The following MS4A6A variants were observed in gnomAD, a reference collection of about 807,000 sequenced individuals.
The protein encoded by MS4A6A is membrane spanning 4-domains A6A.
A neutral mutation model predicts 20.6 loss-of-function variants in MS4A6A; 19 were observed. The observed-to-expected ratio is 0.92, with a 90% confidence interval of 0.64 to 1.36. The LOEUF (loss-of-function observed/expected upper bound fraction) is 1.36, where lower values mean the gene tolerates loss of function less well. Among genes scored for constraint, MS4A6A ranks in the 40% most tolerant of loss-of-function variants. The probability of loss-of-function intolerance (pLI) is 0.00; values close to 1 mark genes in which losing one functional copy is unlikely to be tolerated. For synonymous variants in MS4A6A, 108 were observed against 105.0 expected, an observed-to-expected ratio of 1.03 and a Z score of -0.17; for missense variants, 272 against 261.1, an observed-to-expected ratio of 1.04 and a Z score of -0.29.
rs1856949829 is a variant in MS4A6A, at chr11:60,178,285, G to A, written c.314C>T (p.Thr105Ile). 1 of 1,613,544 alleles carries A rather than the reference G, an allele frequency of 6.2e-7. No individual in the cohort carries two copies. Among genetic ancestry groups the A allele is most frequent in the Non-Finnish European group, 8.5e-7 (1 of 1,179,564 alleles). Residue 105 changes from threonine (T) to isoleucine (I), a missense_variant, in exon 4 of 6, where the codon ACA becomes ATA. Transcript: ENST00000528851. ...FIISGSLSIA[T>I]EKRLTKLLVH... ...CAAAAGCTTGGTTAACCTTTTCTCTGTGGCGATTGATAGAGAGCCAGAGAT... is the reference window on the plus strand; with the variant it reads ...CAAAAGCTTGGTTAACCTTTTCTCTATGGCGATTGATAGAGAGCCAGAGAT...
At chr11:60,175,789 T>G (rs1467249713) in intron 4 of MS4A6A, among the ~76,000 whole-genome samples, 178 bp from the exon 5 acceptor site, 1 of 152,160 alleles carries the variant, frequency 6.6e-6, no homozygotes, top group East Asian at 1.9e-4. Context: ...CCAGGGTAAT[T>G]CTTGGCTGAA....
intron 3 of MS4A6A, among the ~76,000 whole-genome samples, chr11:60,179,116 G>A (rs1432250152): frequency 6.6e-6 from 1 of 152,040 alleles, no homozygotes; most frequent in Non-Finnish European, 1.5e-5. Flanking sequence ...ACAAAAAGGT[G>A]GACTTCTTGG....
intron 3 of MS4A6A, chr11:60,179,490 CT>C (rs796130469): frequency 0.11 from 47,360 of 431,346 alleles, no homozygotes; most frequent in South Asian, 0.14. Flanking sequence ...CATTTATGCT[CT>C]TTTTTTTTTT....
At chr11:60,181,246 T>C (rs1857118650) in intron 2 of MS4A6A, 2 of 404,118 alleles carry the variant, frequency 4.9e-6, no homozygotes, top group South Asian at 4.2e-5. Context: ...TTATTAAGCA[T>C]GCAGTTGTGG....
At position 60,175,611 on chromosome 11, in the gene MS4A6A, C is replaced by A. The variant is rs772651842; in HGVS notation, c.340G>T (p.Val114Leu). The change falls in exon 5 of 6, where the codon GTG becomes TTG. Residue 114 changes from valine (V) to leucine (L), a missense_variant and splice_region_variant. Coordinates refer to ENST00000528851, the MANE Select transcript of MS4A6A (RefSeq NM_022349.4). ...ATGCTTCCAACCAGGCTGCTATGCACCTGAAAGAGAAATGTTGGGTAAGGA... is the reference window on the plus strand; with the variant it reads ...ATGCTTCCAACCAGGCTGCTATGCAACTGAAAGAGAAATGTTGGGTAAGGA... ...ATEKRLTKLL[V>L]HSSLVGSILS... 1 of 1,612,934 alleles carries A rather than the reference C, an allele frequency of 6.2e-7. No individual in the cohort carries two copies.
intron 4 of MS4A6A, chr11:60,177,559 T>G (rs1345484465): frequency 1.4e-5 from 2 of 144,468 alleles, no homozygotes; most frequent in Non-Finnish European, 3.1e-5. Flanking sequence ...AAAGCTTTGT[T>G]TTTTGTTGTT....
chr11:60,172,489 C>T (rs186964848), downstream of MS4A6A: 133 of 1,234,232 alleles, frequency 1.1e-4, 2 homozygotes, highest in Admixed American at 4.2e-4. Flanking sequence ...GCCATAAGTC[C>T]ATAGGGGTTT....
chr11:60,180,516 C>G (rs570133892), intron 2 of MS4A6A: 1 of 156,568 alleles, frequency 6.4e-6, no homozygotes, highest in Non-Finnish European at 1.4e-5. Flanking sequence ...ATTTTAAGTT[C>G]AAGGGTACAA....
chr11:60,182,280 G>C (rs1857172354), intron 1 of MS4A6A: 1 of 152,778 alleles, frequency 6.5e-6, no homozygotes, highest in Admixed American at 6.5e-5. Context: ...ATAAGAAAAT[G>C]CAAAATAAAG....
intron 5 of MS4A6A, 137 bp downstream of exon 5, chr11:60,175,263 CTT>C: frequency 1.5e-6 from 1 of 646,112 alleles, no homozygotes. Context: ...CTGTAGTCCC[CTT>C]TGATTTACAT....
chr11:60,173,164 A>G (rs1486059809), intron 5 of MS4A6A, 35 bp from the exon 6 acceptor site: 23 of 1,594,958 alleles, frequency 1.4e-5, no homozygotes, highest in East Asian at 2.2e-5. Context: ...GATGTTGCTT[A>G]GGTCAGCTGA....
Position 60,181,819 on chromosome 11 carries a change from C to T in MS4A6A, c.-14-78G>A, listed in dbSNP as rs910080230. ...CTGACTCCAAAAACAGTAACTCAGT[C>T]TTTGCCAATTAGTCTAGGCTTGGCC... On this transcript the variant is annotated intron_variant, in intron 1 of 5. Transcript: ENST00000528851. 5.7e-6 allele frequency: 8 copies of T among 1,412,770 alleles called. No homozygotes were observed. In the East Asian group the frequency reaches 1.8e-4, roughly 32 times the overall value. The allele number at this position is 1,412,770 out of a possible 1,614,324, so 87.5% of individuals were successfully genotyped here.
intron 3 of MS4A6A, chr11:60,179,622 T>C (rs939021058): frequency 3.1e-6 from 2 of 640,908 alleles, no homozygotes; most frequent in Non-Finnish European, 5.6e-6. Context: ...TAAGATGATC[T>C]TCAAAAGAAA....
intron 5 of MS4A6A, among the ~76,000 whole-genome samples, chr11:60,173,445 G>A (rs760730142): frequency 6.6e-5 from 10 of 152,180 alleles, no homozygotes; most frequent in African/African-American, 9.7e-5. Context: ...GCAGAGTGGC[G>A]TAATAACTCC....
chr11:60,183,333 T>G (rs2083837150), upstream of MS4A6A: 4 of 658,738 alleles, frequency 6.1e-6, no homozygotes, highest in Admixed American at 1.2e-4. Flanking sequence ...TTTTCTAATC[T>G]GTTAAATAGA....
rs1856972649 is a variant in MS4A6A at position 60,178,646 on chromosome 11, A to G, written c.283-330T>C. On this transcript the variant is annotated intron_variant, in intron 3 of 5. Transcript: ENST00000528851. ...AAGATGTTCTCTAGGGAAGGACATA[A>G]AAGCAATGGTTAAAAAAAAAAGTAG... 8 of 292,894 alleles carry G rather than the reference A, an allele frequency of 2.7e-5. No individual in the cohort carries two copies. In the South Asian group the frequency reaches 2.9e-4, roughly 11 times the overall value. The allele number at this position is 292,894 out of a possible 1,614,324, so 18.1% of individuals were successfully genotyped here.
At chr11:60,178,026 C>T in intron 4 of MS4A6A, 1 of 502,900 alleles carries the variant, frequency 2.0e-6, no homozygotes, top group East Asian at 3.5e-5. Context: ...TCGGCATGGG[C>T]AGAGGGAATA....
Position 60,172,876 on chromosome 11 carries a change from C to A in MS4A6A, c.*125G>T. 6.6e-7 allele frequency: 1 copy of A among 1,511,722 alleles called. No individual in the cohort carries two copies. Among genetic ancestry groups the A allele is most frequent in the Non-Finnish European group, 8.9e-7 (1 of 1,126,674 alleles). 93.6% of individuals were successfully genotyped at this position (1,511,722 alleles called of 1,614,324 possible). ...AGCTACTCAATTGCCATCTGCTTTT[C>A]TTCTCTGTCTTCCATCACAATGCAA... On this transcript the variant is annotated 3_prime_UTR_variant, in exon 6 of 6. Transcript: ENST00000528851.
At chr11:60,178,499 GAA>G in intron 3 of MS4A6A, 183 bp from the exon 4 acceptor site, 1 of 387,352 alleles carries the variant, frequency 2.6e-6, no homozygotes. Context: ...GATAACATCA[GAA>G]AAAAAAAAGA....
Sources: gnomAD v4.1 joint callset for allele counts (sites outside exome capture counted in the v4.1 genomes callset) on GRCh38, gnomAD v4.1.1 for gene constraint, MANE v1.5 for transcripts, NCBI Gene and HGNC (gene_info 2026-07-23, HGNC 2026-07-21) for gene names.